The following DSCAM variants were observed in gnomAD, a reference collection of about 807,000 sequenced individuals.
The protein encoded by DSCAM is DS cell adhesion molecule, also known as cell adhesion molecule DSCAM.
A neutral mutation model predicts 217.7 loss-of-function variants in DSCAM; 47 were observed. The ratio of observed to expected loss-of-function variants is 0.22; its 90% CI spans 0.17 to 0.28. The LOEUF (loss-of-function observed/expected upper bound fraction) is 0.28. Among genes scored for constraint, DSCAM ranks in the 10% least tolerant of loss-of-function variants. The pLI is 1.00. For missense variants in DSCAM, 2,080 were observed against 2,618.3 expected, an observed-to-expected ratio of 0.79 and a Z score of 4.49; for synonymous variants, 1,056 against 1,015.3, an observed-to-expected ratio of 1.04 and a Z score of -0.76.
chr21:40,157,327 C>T (rs1470361171), intron 16 of DSCAM, among the ~76,000 whole-genome samples: 1 of 152,142 alleles, frequency 6.6e-6, no homozygotes, highest in African/African-American at 2.4e-5. Flanking sequence ...CAGACTCGTA[C>T]AGGACAGTGC....
intron 3 of DSCAM, among the ~76,000 whole-genome samples, chr21:40,554,948 T>C (rs965195574): frequency 6.6e-6 from 1 of 152,182 alleles, no homozygotes; most frequent in African/African-American, 2.4e-5. Flanking sequence ...GTTTTATTAA[T>C]TTTCCAGTAG....
chr21:40,326,254 G>A (rs1234950572), intron 8 of DSCAM, among the ~76,000 whole-genome samples: 1 of 152,164 alleles, frequency 6.6e-6, no homozygotes, highest in African/African-American at 2.4e-5. Context: ...ATTCACCATT[G>A]GGATTTTTGT....
chr21:40,712,232 G>A (rs1418079514), intron 1 of DSCAM, among the ~76,000 whole-genome samples: 1 of 151,742 alleles, frequency 6.6e-6, no homozygotes, highest in Non-Finnish European at 1.5e-5. Flanking sequence ...GTGACAGTGT[G>A]TAGTTTGTTT....
chr21:40,292,874 T>C (rs1270152839), intron 10 of DSCAM, among the ~76,000 whole-genome samples: 1 of 152,062 alleles, frequency 6.6e-6, no homozygotes, highest in African/African-American at 2.4e-5. Context: ...TAGCTGGGAC[T>C]ACAGGTGGCC....
chr21:40,365,216 C>G (rs914441991), intron 4 of DSCAM, among the ~76,000 whole-genome samples: 5 of 152,076 alleles, frequency 3.3e-5, no homozygotes, highest in African/African-American at 1.2e-4. Flanking sequence ...GAGAGGCAGA[C>G]CCACCCTCAA....
intron 15 of DSCAM, among the ~76,000 whole-genome samples, chr21:40,172,044 A>G (rs1472556281): frequency 1.3e-5 from 2 of 152,238 alleles, no homozygotes; most frequent in African/African-American, 4.8e-5. Flanking sequence ...CAAAGTGGGC[A>G]GATGACCTGA....
intron 11 of DSCAM, among the ~76,000 whole-genome samples, chr21:40,240,670 T>C (rs1015896963): frequency 6.6e-6 from 1 of 152,174 alleles, no homozygotes; most frequent in Non-Finnish European, 1.5e-5. Context: ...ATAGCTCCAA[T>C]GCCCCCTCCT....
At chr21:40,490,117 C>T (rs1451238077) in intron 3 of DSCAM, among the ~76,000 whole-genome samples, 1 of 152,098 alleles carries the variant, frequency 6.6e-6, no homozygotes, top group African/African-American at 2.4e-5. Context: ...GGGGAACTCC[C>T]CTTTATAAAA....
intron 4 of DSCAM, among the ~76,000 whole-genome samples, chr21:40,368,777 T>TAATCA (rs1455810738): frequency 2.0e-5 from 3 of 152,226 alleles, no homozygotes; most frequent in African/African-American, 7.2e-5. Flanking sequence ...TTTGGTTTTA[T>TAATCA]AATCAAATCA....
Position 40,013,301 on chromosome 21 carries a change from T to G in DSCAM, c.5772A>C (p.Leu1924Phe). The stretch of plus-strand genomic sequence containing the variant: ...TCTGAGGTTCCAAGCATGCTTGTCC[T>G]AAGCTCAGGTCCCTGCTGGTGCCTG... ...GGPGTSRDLSLGQACLEPQKS... is the reference protein window; with the variant it reads ...GGPGTSRDLSFGQACLEPQKS... Residue 1924 changes from leucine to phenylalanine, a missense_variant, in exon 33 of 33, where the codon TTA (leucine) becomes TTC (phenylalanine). This residue lies in a region of DSCAM where 145 missense variants were observed against 138.5 expected (regional missense o/e 1.05). Transcript: ENST00000400454. 6.2e-7 allele frequency: 1 copy of G among 1,612,810 alleles called. No homozygotes were observed. Among genetic ancestry groups the G allele is most frequent in the Non-Finnish European group, 8.5e-7 (1 of 1,179,442 alleles).
chr21:40,251,618 A>T (rs1009604767), intron 11 of DSCAM, among the ~76,000 whole-genome samples: 1 of 152,130 alleles, frequency 6.6e-6, no homozygotes, highest in Admixed American at 6.5e-5. Context: ...TTCCTAAGAA[A>T]CACCCTGTAG....
At chr21:40,514,677 A>T (rs1050264741) in intron 3 of DSCAM, among the ~76,000 whole-genome samples, 6 of 152,190 alleles carry the variant, frequency 3.9e-5, no homozygotes, top group African/African-American at 1.4e-4. Context: ...GCATAATAGC[A>T]TGCACAAATG....
At chr21:40,758,516 C>CAAAAA (rs3071030) in intron 1 of DSCAM, among the ~76,000 whole-genome samples, 7 of 102,962 alleles carry the variant, frequency 6.8e-5, no homozygotes, top group South Asian at 3.6e-4. Context: ...GACTCTGTCT[C>CAAAAA]AAAAAAAAAA....
intron 1 of DSCAM, among the ~76,000 whole-genome samples, chr21:40,721,075 T>C (rs916771398): frequency 6.6e-6 from 1 of 152,176 alleles, no homozygotes; most frequent in Non-Finnish European, 1.5e-5. Context: ...TTCTAATAAA[T>C]AGAACATCAG....
At chr21:40,015,131 C>A (rs1039212938) in intron 32 of DSCAM, among the ~76,000 whole-genome samples, 1 of 152,164 alleles carries the variant, frequency 6.6e-6, no homozygotes, top group Non-Finnish European at 1.5e-5. Flanking sequence ...AATAACATTC[C>A]CATCTATCTT....
At position 40,552,184 on chromosome 21, in the gene DSCAM, T is replaced by C. The variant is rs149631217; in HGVS notation, c.508+140626A>G. ...CAAAAATTAGCCAGGCATGGTGGCG[T>C]GTGCCTGTAGTCCCAGCTACTCAGG... On this transcript the variant is annotated intron_variant, in intron 3 of 32. Transcript: ENST00000400454. Among the ~76,000 whole-genome samples the C allele has an allele frequency of 7.8e-3, 1,188 of 152,080 alleles. 12 individuals carry two copies. The highest frequency in any genetic ancestry group is 0.027 in the African/African-American group (1,131 of 41,492).
intron 3 of DSCAM, among the ~76,000 whole-genome samples, chr21:40,421,994 G>T (rs2075429103): frequency 6.6e-6 from 1 of 152,180 alleles, no homozygotes; most frequent in African/African-American, 2.4e-5. Context: ...GACAGAAAAG[G>T]CTCTTTTAAA....
chr21:40,353,498 T>C lies in DSCAM; in HGVS notation c.901A>G (p.Thr301Ala). The C allele has an allele frequency of 6.2e-7, 1 of 1,611,276 alleles. No individual in the cohort carries two copies. The highest frequency in any genetic ancestry group is 1.3e-5 in the African/African-American group (1 of 74,910). The change falls in exon 5 of 33, where the codon ACT becomes GCT. Residue 301 changes from threonine to alanine, a missense_variant. Thr to Ala is a moderately conservative substitution (Grantham distance 58). Transcript: ENST00000400454. ...YVCEVSNRYGTAKVIGRLYVK... is the reference protein window; with the variant it reads ...YVCEVSNRYGAAKVIGRLYVK... ...TACAGGCGGCCTATCACCTTAGCAG[T>C]TCCGTATCTGTTGGACACTTCACAA...
chr21:40,020,368 T>G (rs1264771833), intron 32 of DSCAM, among the ~76,000 whole-genome samples: 4 of 152,160 alleles, frequency 2.6e-5, no homozygotes, highest in Admixed American at 2.0e-4. Context: ...TTCCTTCTTT[T>G]CCTTGTTTTG....
Sources: gnomAD v4.1 joint callset for allele counts (sites outside exome capture counted in the v4.1 genomes callset) on GRCh38, gnomAD v4.1.1 for gene constraint, gnomAD v4.1.1 regional missense constraint, MANE v1.5 for transcripts, NCBI Gene and HGNC (gene_info 2026-07-23, HGNC 2026-07-21) for gene names.